The following MACROD2 variants were observed in gnomAD, a reference collection of about 807,000 sequenced individuals.
The protein encoded by MACROD2 is mono-ADP ribosylhydrolase 2.
Under a neutral mutation model 70.4 loss-of-function variants are expected in MACROD2, and 36 were observed. That is an observed-to-expected ratio of 0.51 (90% CI 0.39 to 0.68). The LOEUF (loss-of-function observed/expected upper bound fraction) is 0.68. MACROD2 is among the 30% of genes least tolerant of loss of function. The pLI is 0.00. For synonymous variants in MACROD2, 172 were observed against 178.8 expected, an observed-to-expected ratio of 0.96 and a Z score of 0.30; for missense variants, 496 against 538.4, an observed-to-expected ratio of 0.92 and a Z score of 0.78.
At chr20:14,278,670 C>T (rs1218744410) in intron 3 of MACROD2, among the ~76,000 whole-genome samples, 3 of 152,060 alleles carry the variant, frequency 2.0e-5, no homozygotes, top group African/African-American at 4.8e-5. Flanking sequence ...GAATTTACTT[C>T]ACATTAATTG....
At chr20:14,209,037 T>A (rs1341529871) in intron 3 of MACROD2, among the ~76,000 whole-genome samples, 1 of 152,230 alleles carries the variant, frequency 6.6e-6, no homozygotes, top group African/African-American at 2.4e-5. Context: ...GATTTATGAT[T>A]TCTGGAGGAA....
At chr20:15,622,524 A>G (rs557972799) in intron 8 of MACROD2, among the ~76,000 whole-genome samples, 4 of 152,286 alleles carry the variant, frequency 2.6e-5, no homozygotes, top group African/African-American at 7.2e-5. Flanking sequence ...AATGACTAAC[A>G]GGGCTGGTAG....
At chr20:14,951,979 G>A (rs2074479950) in intron 5 of MACROD2, among the ~76,000 whole-genome samples, 1 of 151,070 alleles carries the variant, frequency 6.6e-6, no homozygotes, top group African/African-American at 2.4e-5. Context: ...GGGGAAATAA[G>A]GTTTGCTTGG....
chr20:15,582,873 T>A (rs189707967), intron 8 of MACROD2, among the ~76,000 whole-genome samples: 1 of 152,334 alleles, frequency 6.6e-6, no homozygotes, highest in Admixed American at 6.5e-5. Flanking sequence ...GTAATCAAGT[T>A]CTGTCGGGGT....
chr20:14,007,457 C>T (rs2148613969), intron 2 of MACROD2, among the ~76,000 whole-genome samples: 1 of 152,192 alleles, frequency 6.6e-6, no homozygotes, highest in Non-Finnish European at 1.5e-5. Flanking sequence ...GGTTAACAGT[C>T]TACAAAGGAG....
intron 8 of MACROD2, among the ~76,000 whole-genome samples, chr20:15,811,282 T>C (rs1172361867): frequency 6.6e-6 from 1 of 151,382 alleles, no homozygotes; most frequent in Non-Finnish European, 1.5e-5. Flanking sequence ...GCAAAGGATA[T>C]GAACAGACAC....
intron 5 of MACROD2, among the ~76,000 whole-genome samples, chr20:14,753,422 G>T (rs2071900633): frequency 6.6e-6 from 1 of 152,006 alleles, no homozygotes; most frequent in South Asian, 2.1e-4. Flanking sequence ...GTAAGTATAG[G>T]TGTGTGTGTA....
chr20:14,062,778 G>A (rs1471947291), intron 2 of MACROD2, among the ~76,000 whole-genome samples: 2 of 152,104 alleles, frequency 1.3e-5, no homozygotes, highest in African/African-American at 4.8e-5. Context: ...AGGAGTCAAG[G>A]GTGACTAATT....
chr20:14,688,870 G>T (rs1400476553), intron 5 of MACROD2, among the ~76,000 whole-genome samples: 1 of 152,134 alleles, frequency 6.6e-6, no homozygotes, highest in Admixed American at 6.5e-5. Context: ...TCAGACGAGT[G>T]AATTATTTCA....
At chr20:15,264,895 G>C (rs1469040850) in intron 6 of MACROD2, among the ~76,000 whole-genome samples, 1 of 152,170 alleles carries the variant, frequency 6.6e-6, no homozygotes, top group Non-Finnish European at 1.5e-5. Flanking sequence ...GGAATGGTGA[G>C]AAGTGAAGTG....
At chr20:14,761,617 C>T (rs1159120370) in intron 5 of MACROD2, among the ~76,000 whole-genome samples, 1 of 152,130 alleles carries the variant, frequency 6.6e-6, no homozygotes, top group Non-Finnish European at 1.5e-5. Context: ...AGTCTAATAG[C>T]ACTGAATCCT....
chr20:15,158,580 A>C (rs901996209), intron 5 of MACROD2, among the ~76,000 whole-genome samples: 9 of 152,120 alleles, frequency 5.9e-5, no homozygotes, highest in African/African-American at 2.2e-4. Flanking sequence ...GAAAATAGAG[A>C]GATTAGGAGG....
At chr20:14,013,828 G>A (rs755015377) in intron 2 of MACROD2, among the ~76,000 whole-genome samples, 49 of 151,802 alleles carry the variant, frequency 3.2e-4, no homozygotes, top group Non-Finnish European at 5.2e-4. Context: ...GGTTACAGGC[G>A]CCTGCCATCA....
chr20:14,197,640 G>A (rs370330150), intron 3 of MACROD2, among the ~76,000 whole-genome samples: 2 of 152,054 alleles, frequency 1.3e-5, no homozygotes, highest in Admixed American at 6.5e-5. Flanking sequence ...GGTGGTGGGC[G>A]CCTGTAATCC....
intron 5 of MACROD2, among the ~76,000 whole-genome samples, chr20:14,991,307 T>G (rs1339271167): frequency 6.6e-6 from 1 of 152,184 alleles, no homozygotes; most frequent in Non-Finnish European, 1.5e-5. Context: ...TCATTTTTTT[T>G]TTAAAGAATT....
At chr20:15,215,711 T>C (rs1379841687) in intron 5 of MACROD2, among the ~76,000 whole-genome samples, 1 of 151,984 alleles carries the variant, frequency 6.6e-6, no homozygotes, top group Non-Finnish European at 1.5e-5. Flanking sequence ...AAAAGGTTGG[T>C]AGAGAAAATA....
rs1247675104 is a variant in MACROD2, at chr20:15,431,434, T to C, written c.570T>C (p.Tyr190=). The change falls in exon 7 of 18, where the codon TAT becomes TAC. Residue 190 remains tyrosine (Y), a splice_region_variant and synonymous_variant. Transcript: ENST00000684519. ...TTCCCTGCATCTCAACAGGCATTTATGGTAAGTGATACAGCTTTTGATGAT... is the reference window on the plus strand; with the variant it reads ...TTCCCTGCATCTCAACAGGCATTTACGGTAAGTGATACAGCTTTTGATGAT... ...VAFPCISTGI[Y]GFPNEPAAVI... 4 of 1,610,916 alleles carry C rather than the reference T, an allele frequency of 2.5e-6. No homozygotes were observed. The highest frequency in any genetic ancestry group is 2.5e-6 in the Non-Finnish European group (3 of 1,177,842).
intron 6 of MACROD2, among the ~76,000 whole-genome samples, chr20:15,428,497 T>C (rs1266512784): frequency 6.6e-6 from 1 of 152,190 alleles, no homozygotes; most frequent in East Asian, 1.9e-4. Context: ...CTCCCTGTAC[T>C]AGAAGAAAAG....
At chr20:15,817,454 G>A (rs1419659602) in intron 8 of MACROD2, among the ~76,000 whole-genome samples, 2 of 152,162 alleles carry the variant, frequency 1.3e-5, no homozygotes. Flanking sequence ...TTGGCAGTTT[G>A]CTAAACACGA....
Sources: allele counts gnomAD v4.1 joint callset (sites outside exome capture counted in the v4.1 genomes callset), GRCh38; gene constraint gnomAD v4.1.1; transcripts MANE v1.5; gene names NCBI Gene and HGNC (gene_info 2026-07-23, HGNC 2026-07-21).